NUFIP1: variants seen among roughly 807,000 people sequenced by gnomAD.
NUFIP1 encodes the protein FMR1-interacting protein NUFIP1.
A neutral mutation model predicts 56.2 loss-of-function variants in NUFIP1; 38 were observed. The ratio of observed to expected loss-of-function variants is 0.68; its 90% CI spans 0.52 to 0.89. The LOEUF is 0.89. Among genes scored for constraint, NUFIP1 ranks in the 40% least tolerant of loss-of-function variants. The probability of loss-of-function intolerance (pLI) is 0.00; values close to 1 mark genes in which losing one functional copy is unlikely to be tolerated. For synonymous variants in NUFIP1, 215 were observed against 212.4 expected (o/e 1.01, Z -0.10); for missense variants, 567 against 605.8 (o/e 0.94, Z 0.67).
intron 6 of NUFIP1, among the ~76,000 whole-genome samples, chr13:44,965,182 C>T (rs761832420): frequency 6.6e-6 from 1 of 152,174 alleles, no homozygotes; most frequent in Non-Finnish European, 1.5e-5. Flanking sequence ...AGTTTCCCTG[C>T]ACAAGCTCTC....
chr13:44,984,462 G>A (rs1013116837), intron 1 of NUFIP1, among the ~76,000 whole-genome samples: 1 of 152,036 alleles, frequency 6.6e-6, no homozygotes, highest in African/African-American at 2.4e-5. Context: ...CCAACATGGT[G>A]AAACCCAGTC....
At chr13:44,966,095 C>A (rs1263765670) in intron 5 of NUFIP1, among the ~76,000 whole-genome samples, 159 bp from the exon 6 acceptor site, 1 of 152,060 alleles carries the variant, frequency 6.6e-6, no homozygotes, top group Non-Finnish European at 1.5e-5. Flanking sequence ...GAAAAAAGTA[C>A]TTATAACAAT....
chr13:44,958,236 A>T (rs772774319), intron 7 of NUFIP1, among the ~76,000 whole-genome samples: 2 of 152,220 alleles, frequency 1.3e-5, no homozygotes, highest in African/African-American at 2.4e-5. Context: ...TGACTAAGAT[A>T]AACTATTAGG....
intron 5 of NUFIP1, among the ~76,000 whole-genome samples, chr13:44,969,825 A>G (rs1871742605): frequency 6.6e-6 from 1 of 152,106 alleles, no homozygotes; most frequent in African/African-American, 2.4e-5. Context: ...ATCACGACCC[A>G]TTTATTGGCT....
chr13:44,970,653 A>G (rs913645395), intron 5 of NUFIP1, among the ~76,000 whole-genome samples: 12 of 152,094 alleles, frequency 7.9e-5, no homozygotes, highest in African/African-American at 2.7e-4. Context: ...GAAAGTAAGT[A>G]TATTTTTGTA....
intron 6 of NUFIP1, among the ~76,000 whole-genome samples, chr13:44,965,399 G>A (rs978272206): frequency 6.6e-6 from 1 of 152,192 alleles, no homozygotes; most frequent in Admixed American, 6.5e-5. Context: ...CCAGTGTCAA[G>A]TATCCAATCA....
Position 44,940,075 on chromosome 13 carries a change from A to G in NUFIP1, c.*1131T>C, listed in dbSNP as rs1870681008. The G allele has an allele frequency of 6.6e-6, 1 of 152,238 alleles. No homozygotes were observed. Among genetic ancestry groups the G allele is most frequent in the Admixed American group, 6.5e-5 (1 of 15,288 alleles). 9.4% of individuals were successfully genotyped at this position (152,238 alleles called of 1,614,324 possible). A position where few individuals can be genotyped will look rare whatever the true frequency, so the allele number is the denominator to read the frequency against. On this transcript the variant is annotated 3_prime_UTR_variant, in exon 10 of 10. Transcript: ENST00000379161. ...TTATTTGTATACCTTTAATATAGGC[A>G]CAATAGAGGTACAAAGAGTAAGCAC... is the stretch of plus-strand genomic sequence containing the variant.
intron 8 of NUFIP1, among the ~76,000 whole-genome samples, chr13:44,948,191 G>A (rs1198919131): frequency 2.1e-5 from 3 of 140,582 alleles, no homozygotes; most frequent in Non-Finnish European, 4.5e-5. Context: ...CACCCGGGCT[G>A]GAGTACAGTG....
intron 6 of NUFIP1, among the ~76,000 whole-genome samples, chr13:44,965,284 G>C (rs1871558395): frequency 6.6e-6 from 1 of 152,198 alleles, no homozygotes; most frequent in Non-Finnish European, 1.5e-5. Context: ...ACGTGGAACT[G>C]TAAGTCCAGT....
chr13:44,954,595 T>C (rs1871168018), intron 7 of NUFIP1, among the ~76,000 whole-genome samples: 1 of 152,224 alleles, frequency 6.6e-6, no homozygotes, highest in Admixed American at 6.5e-5. Flanking sequence ...AACTTATTTC[T>C]TTACTTACTT....
chr13:44,977,601 T>C (rs749061263), intron 5 of NUFIP1, among the ~76,000 whole-genome samples: 5 of 152,204 alleles, frequency 3.3e-5, no homozygotes, highest in Non-Finnish European at 5.9e-5. Context: ...ACACGATAAG[T>C]AAGATTTTGC....
intron 1 of NUFIP1, among the ~76,000 whole-genome samples, chr13:44,986,111 G>A (rs1872380178): frequency 1.3e-5 from 2 of 152,130 alleles, no homozygotes; most frequent in African/African-American, 2.4e-5. Flanking sequence ...GTGAGCCACC[G>A]TGTCTGGATG....
At chr13:44,950,728 A>G (rs558461889) in intron 7 of NUFIP1, among the ~76,000 whole-genome samples, 2 of 152,318 alleles carry the variant, frequency 1.3e-5, no homozygotes, top group Admixed American at 6.5e-5. Flanking sequence ...GCATAATACT[A>G]AAGTGCCTGC....
chr13:44,959,191 C>T (rs193020277), intron 7 of NUFIP1, among the ~76,000 whole-genome samples, 190 bp downstream of exon 7: 2 of 152,206 alleles, frequency 1.3e-5, no homozygotes, highest in Non-Finnish European at 2.9e-5. Context: ...ATGTGCCCAC[C>T]CAAGACTCAG....
intron 5 of NUFIP1, among the ~76,000 whole-genome samples, chr13:44,978,095 T>C (rs1364272785): frequency 6.6e-6 from 1 of 152,186 alleles, no homozygotes; most frequent in Non-Finnish European, 1.5e-5. Flanking sequence ...TCCAACTCTT[T>C]CCTTTGTACA....
intron 2 of NUFIP1, among the ~76,000 whole-genome samples, chr13:44,981,724 A>C (rs1872196212): frequency 6.6e-6 from 1 of 152,156 alleles, no homozygotes; most frequent in African/African-American, 2.4e-5. Context: ...AGGCAGGAGA[A>C]TTGCTTGAAC....
In NUFIP1 at chr13:44,939,693, T is replaced by C. The variant is rs954685802; in HGVS notation, c.*1513A>G. On this transcript the variant is annotated 3_prime_UTR_variant, in exon 10 of 10. Transcript: ENST00000379161. ...CACCATAGCTAAAGACTGTCAGACA[T>C]ACAGCCAAGGGAGTACTCAGGAGTA... 2.0e-5 allele frequency: 3 copies of C among 152,200 alleles called. No individual in the cohort carries two copies. The highest frequency in any genetic ancestry group is 4.8e-5 in the African/African-American group (2 of 41,452). 9.4% of individuals were successfully genotyped at this position (152,200 alleles called of 1,614,324 possible).
intron 5 of NUFIP1, among the ~76,000 whole-genome samples, chr13:44,975,586 C>T (rs562099517): frequency 9.2e-5 from 14 of 152,314 alleles, no homozygotes; most frequent in African/African-American, 3.1e-4. Context: ...TCTATTTTCT[C>T]TTACCTATAC....
At chr13:44,951,964 G>A (rs1171429348) in intron 7 of NUFIP1, among the ~76,000 whole-genome samples, 1 of 152,096 alleles carries the variant, frequency 6.6e-6, no homozygotes, top group African/African-American at 2.4e-5. Context: ...GGTGACTGTG[G>A]CAGTCTCTCT....
Sources: allele counts gnomAD v4.1 joint callset (sites outside exome capture counted in the v4.1 genomes callset), GRCh38; gene constraint gnomAD v4.1.1; transcripts MANE v1.5; gene names NCBI Gene and HGNC (gene_info 2026-07-23, HGNC 2026-07-21).